Variants in RORA observed in about 807,000 individuals in gnomAD.
RORA encodes nuclear receptor ROR-alpha.
RORA carries 7 observed loss-of-function variants against 69.5 expected under a neutral mutation model. The observed-to-expected ratio is 0.10, with a 90% CI of 0.06 to 0.19. RORA has a LOEUF of 0.19. RORA is among the 10% of genes least tolerant of loss of function. The pLI is 1.00. For missense variants in RORA, 457 were observed against 663.0 expected, an observed-to-expected ratio of 0.69 and a Z score of 3.41; for synonymous variants, 261 against 240.8, an observed-to-expected ratio of 1.08 and a Z score of -0.78.
chr15:60,875,764 T>C (rs1222393898), intron 1 of RORA, among the ~76,000 whole-genome samples: 3 of 152,110 alleles, frequency 2.0e-5, no homozygotes, highest in African/African-American at 7.2e-5. Flanking sequence ...GGGAATAAAT[T>C]CTGCAGCCAC....
intron 1 of RORA, among the ~76,000 whole-genome samples, chr15:60,924,532 T>G (rs1052945950): frequency 2.0e-5 from 3 of 151,938 alleles, no homozygotes; most frequent in Non-Finnish European, 2.9e-5. Flanking sequence ...CTCATCCGAT[T>G]TAATGTAATT....
At chr15:60,754,872 CT>C (rs1241495051) in intron 1 of RORA, among the ~76,000 whole-genome samples, 1 of 152,148 alleles carries the variant, frequency 6.6e-6, no homozygotes, top group African/African-American at 2.4e-5. Context: ...ACTCCTTTCT[CT>C]TTCCTTCTAA....
At chr15:61,224,325 A>G (rs919669049) in intron 1 of RORA, among the ~76,000 whole-genome samples, 4 of 152,206 alleles carry the variant, frequency 2.6e-5, no homozygotes, top group Admixed American at 2.6e-4. Flanking sequence ...TGCGTTTCCT[A>G]TAAATTTTTT....
chr15:60,720,050 T>C (rs1391372400), intron 1 of RORA, among the ~76,000 whole-genome samples: 1 of 152,140 alleles, frequency 6.6e-6, no homozygotes, highest in Admixed American at 6.5e-5. Flanking sequence ...TGTCATAAAA[T>C]AGAAAGAGGC....
chr15:61,046,427 T>C (rs187740560), intron 1 of RORA, among the ~76,000 whole-genome samples: 2 of 152,208 alleles, frequency 1.3e-5, no homozygotes, highest in East Asian at 3.9e-4. Flanking sequence ...TATTAGCCAA[T>C]AAGCCTCTCA....
chr15:60,987,901 T>A (rs967977001), intron 1 of RORA, among the ~76,000 whole-genome samples: 1 of 152,192 alleles, frequency 6.6e-6, no homozygotes, highest in Non-Finnish European at 1.5e-5. Context: ...CAAGCCCTCT[T>A]TACCTACAAG....
intron 1 of RORA, among the ~76,000 whole-genome samples, chr15:61,029,722 T>C (rs1474310861): frequency 1.3e-5 from 2 of 152,116 alleles, no homozygotes. Flanking sequence ...TCATGTTTTA[T>C]AACAAGATGG....
chr15:60,986,258 T>C (rs12101587), intron 1 of RORA, among the ~76,000 whole-genome samples: 33,558 of 151,968 alleles, frequency 0.22, 3,925 homozygotes, highest in African/African-American at 0.28. Flanking sequence ...CTCAGCCTCC[T>C]GAGTAGCTGG....
chr15:60,604,590 G>A lies in RORA; in HGVS notation c.197-72739C>T, dbSNP rs140934904. Among the ~76,000 whole-genome samples, 795 of 151,958 alleles carry A rather than the reference G, an allele frequency of 5.2e-3. 4 individuals carry two copies. Among genetic ancestry groups the A allele is most frequent in the Middle Eastern group, 0.048 (14 of 294 alleles). ...GTCAGGAAACATACCTGTCTTACTC[G>A]CCATTGTATTCCTTATATCATTAAG... On this transcript the variant is annotated intron_variant, in intron 2 of 10. Transcript: ENST00000335670.
chr15:60,851,167 T>C (rs957663400), intron 1 of RORA, among the ~76,000 whole-genome samples: 4 of 152,130 alleles, frequency 2.6e-5, no homozygotes, highest in Non-Finnish European at 5.9e-5. Flanking sequence ...TATACACACA[T>C]AAATAGAAAA....
chr15:61,055,756 G>A (rs2078087445), intron 1 of RORA, among the ~76,000 whole-genome samples: 1 of 152,178 alleles, frequency 6.6e-6, no homozygotes, highest in Admixed American at 6.5e-5. Context: ...AGTGTAGAAT[G>A]GCATCGCTAA....
chr15:60,535,344 A>G (rs115692395), intron 2 of RORA, among the ~76,000 whole-genome samples: 1,863 of 152,306 alleles, frequency 0.012, 19 homozygotes, highest in African/African-American at 0.028. Context: ...GAAAAATTCT[A>G]ATTTGCCCAC....
At chr15:60,990,507 T>C (rs1894339659) in intron 1 of RORA, among the ~76,000 whole-genome samples, 1 of 152,098 alleles carries the variant, frequency 6.6e-6, no homozygotes, top group African/African-American at 2.4e-5. Flanking sequence ...TTCCAATCAT[T>C]CCCGGGTAAG....
chr15:60,919,923 T>C (rs1399837173), intron 1 of RORA, among the ~76,000 whole-genome samples: 1 of 152,220 alleles, frequency 6.6e-6, no homozygotes, highest in Non-Finnish European at 1.5e-5. Context: ...ATAATCTTCA[T>C]GCTTGGTGTT....
chr15:60,924,915 C>G (rs1426205925), intron 1 of RORA, among the ~76,000 whole-genome samples: 2 of 151,822 alleles, frequency 1.3e-5, no homozygotes, highest in African/African-American at 2.4e-5. Flanking sequence ...CCCATCTCTA[C>G]TAAAAATACA....
At chr15:60,816,143 A>T (rs1192031677) in intron 1 of RORA, among the ~76,000 whole-genome samples, 2 of 116,764 alleles carry the variant, frequency 1.7e-5, no homozygotes, top group Non-Finnish European at 3.4e-5. Flanking sequence ...TATATACTGT[A>T]AACAGTATAT....
At chr15:60,596,064 C>A (rs949808171) in intron 2 of RORA, among the ~76,000 whole-genome samples, 1 of 152,160 alleles carries the variant, frequency 6.6e-6, no homozygotes, top group East Asian at 1.9e-4. Flanking sequence ...TCCTATGTTA[C>A]AGTTTAAATA....
At position 60,490,518 on chromosome 15, in the gene RORA, A is replaced by G. The variant is rs957545798; in HGVS notation, c.*6937T>C. 4.6e-5 allele frequency: 7 copies of G among 152,172 alleles called. No homozygotes were observed. The highest frequency in any genetic ancestry group is 1.7e-4 in the African/African-American group (7 of 41,460). 9.4% of individuals were successfully genotyped at this position (152,172 alleles called of 1,614,324 possible). ...GAACAACATTAAATATTATGACTCA[A>G]AAGCAGGGACAGGTAAATTTGAAAG... On this transcript the variant is annotated 3_prime_UTR_variant, in exon 11 of 11. Transcript: ENST00000335670. This position sits in a 1 kb window ranked among gnomAD's most constrained non-coding sequence, Gnocchi z 4.1.
In RORA at chr15:61,227,525, G is replaced by A. The variant is rs2080158223; in HGVS notation, c.166+1528C>T. Among the ~76,000 whole-genome samples the A allele has an allele frequency of 2.0e-5, 3 of 151,888 alleles. No homozygotes were observed. In the South Asian group the frequency reaches 6.2e-4, roughly 32 times the overall value. On this transcript the variant is annotated intron_variant, in intron 1 of 10. Transcript: ENST00000335670. ...GTGTGTCATCCTGATGGCTTTTACT[G>A]TACTCGAATTCCGTGAATGGGAAAG...
Sources: allele counts gnomAD v4.1 joint callset (sites outside exome capture counted in the v4.1 genomes callset), GRCh38; gene constraint gnomAD v4.1.1; non-coding constraint Gnocchi (gnomAD v3.1); transcripts MANE v1.5; gene names NCBI Gene and HGNC (gene_info 2026-07-23, HGNC 2026-07-21).